SLC14A2: variants seen among roughly 807,000 people sequenced by gnomAD.
SLC14A2 encodes urea transporter 2.
In SLC14A2, 91 loss-of-function variants were observed where a neutral mutation model predicts 104.6. The ratio of observed to expected loss-of-function variants is 0.87; its 90% CI spans 0.73 to 1.04. SLC14A2 has a LOEUF of 1.04. SLC14A2 is among the 50% of genes least tolerant of loss of function. The pLI, the probability that SLC14A2 is intolerant of heterozygous loss-of-function variation, is 0.00. For synonymous variants in SLC14A2, 476 were observed against 466.4 expected (o/e 1.02, Z -0.27); for missense variants, 1,189 against 1,156.0 (o/e 1.03, Z -0.41).
At chr18:45,324,364 C>T (rs915417562) in intron 1 of SLC14A2, among the ~76,000 whole-genome samples, 1 of 152,150 alleles carries the variant, frequency 6.6e-6, no homozygotes, top group Non-Finnish European at 1.5e-5. Flanking sequence ...CTCAAGCAAT[C>T]GCCAACGATT....
rs1220352834 is a variant in SLC14A2 at position 45,576,441 on chromosome 18, G to A, written c.-34-48190G>A. On this transcript the variant is annotated intron_variant, in intron 2 of 20. Coordinates refer to the SLC14A2 transcript ENST00000586448. ...TGGGACTACAGGCACACGCCACCAC[G>A]CCCGGCTAATTTGTTTGTGTTTTTA... Among the ~76,000 whole-genome samples the A allele has an allele frequency of 3.3e-5, 5 of 151,910 alleles. No individual in the cohort carries two copies. The East Asian group carries it at 5.8e-4, about 18-fold the overall frequency.
chr18:45,468,600 G>A (rs2087187330), intron 1 of SLC14A2, among the ~76,000 whole-genome samples: 1 of 152,080 alleles, frequency 6.6e-6, no homozygotes, highest in South Asian at 2.1e-4. Context: ...AAGGCCCACT[G>A]AGATAATGGA....
intron 10 of SLC14A2, among the ~76,000 whole-genome samples, chr18:45,648,174 C>T (rs1362258771): frequency 6.9e-6 from 1 of 145,826 alleles, no homozygotes; most frequent in Non-Finnish European, 1.5e-5. Context: ...TTATAAGTTA[C>T]CCTCTTTATT....
rs533246400 is a variant in SLC14A2, at chr18:45,377,417, C to G, written c.-124-105816C>G. On this transcript the variant is annotated intron_variant, in intron 1 of 20. Transcript: ENST00000586448. Reference sequence around the variant, plus strand: ...ATCCCCAGTACTAATCCCAACTCATCTGAAACTTTAGACACTGGCTTCCAA... The same window carrying G: ...ATCCCCAGTACTAATCCCAACTCATGTGAAACTTTAGACACTGGCTTCCAA... Among the ~76,000 whole-genome samples the G allele has an allele frequency of 8.5e-5, 13 of 152,256 alleles. No homozygotes were observed. The South Asian group carries it at 2.7e-3, about 32-fold the overall frequency.
chr18:45,526,649 T>C (rs2043596750), intron 2 of SLC14A2, among the ~76,000 whole-genome samples: 1 of 152,030 alleles, frequency 6.6e-6, no homozygotes, highest in South Asian at 2.1e-4. Context: ...GTGTATAATA[T>C]TAGAGAACTG....
At chr18:45,515,734 C>G (rs549671452) in intron 2 of SLC14A2, 2 of 152,208 alleles carry the variant, frequency 1.3e-5, no homozygotes, top group African/African-American at 4.8e-5. Context: ...ACATTGGGCC[C>G]GGGAGAGCAG....
chr18:45,416,713 T>C (rs1334080719), intron 1 of SLC14A2, among the ~76,000 whole-genome samples: 5 of 152,148 alleles, frequency 3.3e-5, no homozygotes, highest in South Asian at 2.1e-4. Context: ...GTAAAATGGG[T>C]ATTTAACTAC....
chr18:45,168,486 G>A, the SLC14A2 span: 2 of 152,136 alleles, frequency 1.3e-5, no homozygotes, highest in African/African-American at 4.8e-5. Context: ...TTAGAGTTGT[G>A]TGTTGATTAA....
chr18:45,326,853 T>C (rs1200861443), intron 1 of SLC14A2, among the ~76,000 whole-genome samples: 1 of 152,206 alleles, frequency 6.6e-6, no homozygotes, highest in Non-Finnish European at 1.5e-5. Context: ...CTGTATTTTT[T>C]AGTCTAGATT....
chr18:45,540,505 G>A (rs947221385), intron 2 of SLC14A2, among the ~76,000 whole-genome samples: 4 of 152,154 alleles, frequency 2.6e-5, no homozygotes, highest in African/African-American at 9.7e-5. Context: ...CACTTTGGGA[G>A]GCCAAGACGG....
At chr18:45,215,565 T>C (rs1173807959) in intron 1 of SLC14A2, among the ~76,000 whole-genome samples, 1 of 152,252 alleles carries the variant, frequency 6.6e-6, no homozygotes, top group Non-Finnish European at 1.5e-5. Context: ...CTGGAGAGGA[T>C]ATTAGTCCCC....
At chr18:45,664,540 T>C (rs1375292794) in intron 11 of SLC14A2, among the ~76,000 whole-genome samples, 1 of 152,176 alleles carries the variant, frequency 6.6e-6, no homozygotes, top group Non-Finnish European at 1.5e-5. Flanking sequence ...ACAGGGACCA[T>C]CTAATCCTGC....
intron 1 of SLC14A2, among the ~76,000 whole-genome samples, chr18:45,311,180 T>C (rs1422872612): frequency 6.6e-6 from 1 of 152,190 alleles, no homozygotes; most frequent in Admixed American, 6.5e-5. Context: ...AAAGAGTTCA[T>C]GGTGGGGAGT....
the SLC14A2 span, among the ~76,000 whole-genome samples, chr18:45,171,790 T>C: frequency 0.47 from 72,209 of 152,022 alleles, 17,636 homozygotes; most frequent in Non-Finnish European, 0.54. Flanking sequence ...TATTAGGACC[T>C]GGTGGTGAAA....
At chr18:45,644,203 T>C (rs1291924008) in intron 10 of SLC14A2, 43 bp downstream of exon 10, 19 of 1,591,674 alleles carry the variant, frequency 1.2e-5, no homozygotes, top group Non-Finnish European at 1.6e-5. Context: ...TTGCCTGACC[T>C]GATGTCCTCT....
intron 2 of SLC14A2, among the ~76,000 whole-genome samples, chr18:45,553,098 T>G (rs954906245): frequency 1.3e-5 from 2 of 152,088 alleles, no homozygotes; most frequent in African/African-American, 4.8e-5. Context: ...CTCCCAAATT[T>G]CCCAGCTCAA....
chr18:45,451,545 G>T (rs1044857239), intron 1 of SLC14A2, among the ~76,000 whole-genome samples: 2 of 152,074 alleles, frequency 1.3e-5, no homozygotes, highest in South Asian at 4.2e-4. Flanking sequence ...AAATTTCATT[G>T]TATGAAATTT....
chr18:45,371,199 A>T (rs939538745), intron 1 of SLC14A2, among the ~76,000 whole-genome samples: 1 of 152,070 alleles, frequency 6.6e-6, no homozygotes, highest in Non-Finnish European at 1.5e-5. Context: ...CACTAAAAGG[A>T]CCCAACCAGC....
chr18:45,188,485 G>A, the SLC14A2 span, among the ~76,000 whole-genome samples: 1 of 152,068 alleles, frequency 6.6e-6, no homozygotes, highest in Non-Finnish European at 1.5e-5. Context: ...CTGTAATCAA[G>A]CATGCTCCTA....
Sources: gnomAD v4.1 joint callset for allele counts (sites outside exome capture counted in the v4.1 genomes callset) on GRCh38, gnomAD v4.1.1 for gene constraint, MANE v1.5 for transcripts, NCBI Gene and HGNC (gene_info 2026-07-23, HGNC 2026-07-21) for gene names.